Variants in CEP350 observed in about 807,000 individuals in gnomAD.
The protein encoded by CEP350 is centrosome-associated protein 350.
CEP350 carries 126 observed loss-of-function variants against 331.8 expected under a neutral mutation model. That is an observed-to-expected ratio of 0.38 (90% confidence interval 0.33 to 0.44). The LOEUF (loss-of-function observed/expected upper bound fraction) is 0.44, where lower values mean the gene tolerates loss of function less well. Among genes scored for constraint, CEP350 ranks in the 20% least tolerant of loss-of-function variants. The pLI is 1.00. For missense variants in CEP350, 3,406 were observed against 3,634.6 expected (o/e 0.94, Z 1.62); for synonymous variants, 1,200 against 1,259.5 (o/e 0.95, Z 1.00).
At chr1:180,061,193 T>A (rs1361563588) in intron 25 of CEP350, among the ~76,000 whole-genome samples, 1 of 149,618 alleles carries the variant, frequency 6.7e-6, no homozygotes, top group African/African-American at 2.5e-5. Context: ...AAACATTGAT[T>A]GATTGATTGA....
rs1433356812 is a variant in CEP350 at position 180,094,036 on chromosome 1, C to T, written c.7931C>T (p.Ser2644Phe). ...GAAACAGACAATGTACAGGACATTT[C>T]TGGGGTACTTGAAGCCCATGTTCAC... ...KIETDNVQDI[S>F]GVLEAHVHQQ... Residue 2644 changes from serine (S) to phenylalanine (F), a missense_variant, in exon 34 of 38, where the codon TCT becomes TTT. Around this residue, in one of 5 missense-constraint regions of CEP350, gnomAD observed 1,415 missense variants for 1,512.3 expected, o/e 0.94. Transcript: ENST00000367607. The T allele has an allele frequency of 6.2e-7, 1 of 1,613,658 alleles. No homozygotes were observed. Among genetic ancestry groups the T allele is most frequent in the African/African-American group, 1.3e-5 (1 of 74,922 alleles).
chr1:180,039,309 G>A (rs1351013764), intron 17 of CEP350, among the ~76,000 whole-genome samples: 1 of 149,490 alleles, frequency 6.7e-6, no homozygotes, highest in Non-Finnish European at 1.5e-5. Context: ...GGGGAGGGAG[G>A]AGAGGGATAG....
At chr1:180,105,616 T>C (rs1404098665) in intron 37 of CEP350, among the ~76,000 whole-genome samples, 1 of 152,180 alleles carries the variant, frequency 6.6e-6, no homozygotes, top group African/African-American at 2.4e-5. Context: ...TCAAAGGCTT[T>C]TTCTGCATTT....
At chr1:179,997,543 CAA>C (rs1219449623) in intron 6 of CEP350, among the ~76,000 whole-genome samples, 24 of 81,100 alleles carry the variant, frequency 3.0e-4, no homozygotes, top group Admixed American at 4.3e-4. Flanking sequence ...GACTCGGTCT[CAA>C]AAAAAAAAAA....
chr1:180,069,045 C>T (rs961971339), intron 27 of CEP350, among the ~76,000 whole-genome samples: 3 of 152,094 alleles, frequency 2.0e-5, no homozygotes, highest in African/African-American at 7.2e-5. Context: ...CACTCAGCCT[C>T]CTGAGGGAGT....
At chr1:180,071,872 G>T (rs1333983113) in intron 27 of CEP350, among the ~76,000 whole-genome samples, 1 of 152,144 alleles carries the variant, frequency 6.6e-6, no homozygotes, top group African/African-American at 2.4e-5. Flanking sequence ...TAAATCTGTT[G>T]TATATCTTAT....
At chr1:179,978,656 T>C (rs149332537) in intron 1 of CEP350, among the ~76,000 whole-genome samples, 49 of 152,284 alleles carry the variant, frequency 3.2e-4, no homozygotes, top group African/African-American at 1.1e-3. Flanking sequence ...GTTCCTGGCT[T>C]ATTGACTTAA....
At chr1:180,097,593 T>A (rs1300779914) in intron 36 of CEP350, among the ~76,000 whole-genome samples, 1 of 152,162 alleles carries the variant, frequency 6.6e-6, no homozygotes, top group Non-Finnish European at 1.5e-5. Flanking sequence ...AAATAAATTA[T>A]TAATAACATT....
chr1:180,106,676 C>A (rs189517941), intron 37 of CEP350, among the ~76,000 whole-genome samples: 158 of 152,294 alleles, frequency 1.0e-3, no homozygotes, highest in South Asian at 3.5e-3. Flanking sequence ...AAGGGATCCT[C>A]CTGCCTCGGT....
At chr1:179,988,623 A>G (rs1457255039) in intron 3 of CEP350, among the ~76,000 whole-genome samples, 1 of 152,050 alleles carries the variant, frequency 6.6e-6, no homozygotes, top group African/African-American at 2.4e-5. Flanking sequence ...TCTAAAGTTT[A>G]GGAATCCAAA....
rs561073689 is a variant in CEP350 at position 180,101,099 on chromosome 1, G to A, written c.9189+2114G>A. Among the ~76,000 whole-genome samples the A allele has an allele frequency of 2.5e-4, 38 of 152,278 alleles. No homozygotes were observed. In the South Asian group the frequency reaches 3.7e-3, roughly 15 times the overall value. On this transcript the variant is annotated intron_variant, in intron 37 of 37. Coordinates refer to ENST00000367607, the MANE Select transcript of CEP350 (RefSeq NM_014810.5). The stretch of plus-strand genomic sequence containing the variant: ...TAAACAAAATATTTCTTTTGCAGGG[G>A]TAAGGTTATTATAGCTTGGGTGAGG...
chr1:179,964,796 TA>T (rs1319307855), intron 1 of CEP350, among the ~76,000 whole-genome samples: 1 of 151,922 alleles, frequency 6.6e-6, no homozygotes, highest in African/African-American at 2.4e-5. Flanking sequence ...CTTAGAGGTT[TA>T]TCTATCTTGC....
At chr1:180,085,866 C>G (rs1051461683) in intron 31 of CEP350, 4 of 152,180 alleles carry the variant, frequency 2.6e-5, no homozygotes, top group African/African-American at 9.7e-5. Context: ...ATTCAAATGC[C>G]TATTTATGTG....
chr1:180,087,425 C>T, intron 31 of CEP350, 153 bp from the exon 32 acceptor site: 1 of 595,820 alleles, frequency 1.7e-6, no homozygotes, highest in African/African-American at 1.9e-5. Flanking sequence ...CTATAGAGTT[C>T]TGGAGAATGA....
chr1:179,972,653 C>T (rs1034623438), intron 1 of CEP350, among the ~76,000 whole-genome samples: 2 of 151,610 alleles, frequency 1.3e-5, no homozygotes, highest in African/African-American at 2.4e-5. Flanking sequence ...TACAGGCACA[C>T]GCCACCACAC....
In CEP350 at chr1:180,111,284, T is replaced by TA. The variant is rs1478236140; in HGVS notation, c.*124dup. 2.5e-6 allele frequency: 3 copies of TA among 1,178,654 alleles called. No individual in the cohort carries two copies. The East Asian group carries it at 7.6e-5, about 30-fold the overall frequency. 73.0% of individuals were successfully genotyped at this position (1,178,654 alleles called of 1,614,324 possible). A position where few individuals can be genotyped will look rare whatever the true frequency, so the allele number is the denominator to read the frequency against. On this transcript the variant is annotated 3_prime_UTR_variant, in exon 38 of 38. Coordinates refer to ENST00000367607, the MANE Select transcript of CEP350 (RefSeq NM_014810.5). ...GGACCTTGTACTTATTCTTAAAGAC[T>TA]ACCAGTATGGAGTTCATAGGACAAT...
At chr1:179,993,418 G>A (rs1653234952) in intron 5 of CEP350, among the ~76,000 whole-genome samples, 1 of 152,046 alleles carries the variant, frequency 6.6e-6, no homozygotes, top group Admixed American at 6.6e-5. Context: ...TTAAAAGTAT[G>A]TAAATTATGG....
chr1:180,080,812 G>C, intron 30 of CEP350, 151 bp downstream of exon 30: 1 of 146,572 alleles, frequency 6.8e-6, no homozygotes, highest in Non-Finnish European at 1.5e-5. Flanking sequence ...ATACCATATT[G>C]AATATTGCCA....
intron 22 of CEP350, 50 bp downstream of exon 22, chr1:180,048,755 G>T: frequency 7.0e-7 from 1 of 1,427,752 alleles, no homozygotes. Flanking sequence ...GAAACCAGAG[G>T]AAAGGTGATC....
Sources: allele counts gnomAD v4.1 joint callset (sites outside exome capture counted in the v4.1 genomes callset), GRCh38; gene constraint gnomAD v4.1.1; regional missense constraint gnomAD v4.1.1; transcripts MANE v1.5; gene names NCBI Gene and HGNC (gene_info 2026-07-23, HGNC 2026-07-21).